Variants in HMBOX1 observed in about 807,000 individuals in gnomAD.
HMBOX1 encodes the protein homeobox containing 1.
HMBOX1 carries 14 observed loss-of-function variants against 54.5 expected under a neutral mutation model. The observed-to-expected ratio is 0.26, with a 90% CI of 0.17 to 0.40. HMBOX1 has a LOEUF of 0.40. Ranked by LOEUF, HMBOX1 falls within the 10% of genes least tolerant of loss-of-function variation. The pLI is 1.00. For synonymous variants in HMBOX1, 160 were observed against 181.0 expected (o/e 0.88, Z 0.93); for missense variants, 332 against 514.4 (o/e 0.65, Z 3.43).
intron 5 of HMBOX1, among the ~76,000 whole-genome samples, chr8:29,017,863 A>C (rs1222421221): frequency 6.6e-6 from 1 of 152,222 alleles, no homozygotes; most frequent in African/African-American, 2.4e-5. Flanking sequence ...GGAAGAAATA[A>C]ATATTAATAT....
chr8:28,963,910 T>G lies in HMBOX1; in HGVS notation c.23+20T>G. 1.9e-6 allele frequency: 3 copies of G among 1,581,578 alleles called. No individual in the cohort carries two copies. Among genetic ancestry groups the G allele is most frequent in the Non-Finnish European group, 2.6e-6 (3 of 1,154,404 alleles). On this transcript the variant is annotated intron_variant, in intron 2 of 9. Coordinates refer to ENST00000287701, the MANE Select transcript of HMBOX1 (RefSeq NM_001135726.3). Reference sequence around the variant, plus strand: ...AGTGGTGTAAGTATCAAGTCCTTTTTGATTTTTATCTTCACAATCATTTTA... The same window carrying G: ...AGTGGTGTAAGTATCAAGTCCTTTTGGATTTTTATCTTCACAATCATTTTA...
chr8:28,992,599 G>C (rs906298591), intron 4 of HMBOX1, among the ~76,000 whole-genome samples: 1 of 151,946 alleles, frequency 6.6e-6, no homozygotes. Context: ...GGCTGGGCGC[G>C]GTGGCTCATG....
chr8:28,971,352 A>G (rs986832916), intron 3 of HMBOX1, among the ~76,000 whole-genome samples: 1 of 152,108 alleles, frequency 6.6e-6, no homozygotes, highest in Non-Finnish European at 1.5e-5. Flanking sequence ...CGGCCTCCCA[A>G]AGTGCTGGGA....
intron 1 of HMBOX1, among the ~76,000 whole-genome samples, chr8:28,913,367 G>A (rs1184399870): frequency 2.0e-5 from 3 of 152,012 alleles, no homozygotes; most frequent in Non-Finnish European, 4.4e-5. Context: ...TCTCAGTTGG[G>A]CAAGCTTTTT....
At position 28,984,261 on chromosome 8, in the gene HMBOX1, TACA is replaced by T. The variant is rs1321402247; in HGVS notation, c.586+4110_586+4112del. 5.9e-5 allele frequency among the ~76,000 whole-genome samples: 9 copies of T among 152,218 alleles called. 1 individual carries two copies. Among genetic ancestry groups the T allele is most frequent in the Admixed American group, 4.6e-4 (7 of 15,284 alleles). On this transcript the variant is annotated intron_variant, in intron 4 of 9. Coordinates refer to ENST00000287701, the MANE Select transcript of HMBOX1 (RefSeq NM_001135726.3). ...TTTAGGATGTGGTTCTCCTGAATCTTACAACAAGTTCTCTTAAAAAGATTTAAG... is the reference window on the plus strand; with the variant it reads ...TTTAGGATGTGGTTCTCCTGAATCTTACAAGTTCTCTTAAAAAGATTTAAG...
chr8:28,941,211 C>G (rs1821352353), intron 1 of HMBOX1, among the ~76,000 whole-genome samples: 1 of 151,892 alleles, frequency 6.6e-6, no homozygotes, highest in Non-Finnish European at 1.5e-5. Flanking sequence ...ATATTTTGTG[C>G]TGTGGGGCAT....
At chr8:29,041,981 C>A (rs1035388770) in intron 6 of HMBOX1, among the ~76,000 whole-genome samples, 1 of 152,116 alleles carries the variant, frequency 6.6e-6, no homozygotes, top group Non-Finnish European at 1.5e-5. Flanking sequence ...ATGAGGTGCA[C>A]TGGCCAAAGA....
chr8:28,960,774 T>G (rs1228852222), intron 1 of HMBOX1, among the ~76,000 whole-genome samples: 13 of 53,406 alleles, frequency 2.4e-4, no homozygotes, highest in South Asian at 1.9e-3. Context: ...TCTTTTTTTT[T>G]TTTTTTTTTT....
At chr8:28,988,357 G>T (rs938551960) in intron 4 of HMBOX1, among the ~76,000 whole-genome samples, 9 of 152,106 alleles carry the variant, frequency 5.9e-5, no homozygotes, top group Non-Finnish European at 1.5e-5. Flanking sequence ...TTGTTTCCAG[G>T]GCCTGACTAT....
intron 6 of HMBOX1, among the ~76,000 whole-genome samples, chr8:29,042,378 G>A (rs1804963260): frequency 6.6e-6 from 1 of 152,130 alleles, no homozygotes; most frequent in East Asian, 1.9e-4. Flanking sequence ...GAGAAGCCAA[G>A]CAATTAACTC....
chr8:28,959,458 C>T lies in HMBOX1; in HGVS notation c.-57-4353C>T, dbSNP rs548323841. Among the ~76,000 whole-genome samples, 12 of 152,240 alleles carry T rather than the reference C, an allele frequency of 7.9e-5. No homozygotes were observed. The South Asian group carries it at 2.5e-3, about 32-fold the overall frequency. On this transcript the variant is annotated intron_variant, in intron 1 of 9. Transcript: ENST00000287701. ...TGAATTGTTTATTTCTGGAATTTTC[C>T]ACGTAATATTCTCGGACCATGGTTA...
In HMBOX1 at chr8:29,049,120, TGGGTGTGGCTGATG is replaced by T. The variant is rs746797297; in HGVS notation, c.1125+78_1125+91del. The T allele has an allele frequency of 2.0e-5, 30 of 1,481,894 alleles. 1 individual carries two copies. In the South Asian group the frequency reaches 3.4e-4, roughly 17 times the overall value. 91.8% of individuals were successfully genotyped at this position (1,481,894 alleles called of 1,614,324 possible). ...GGTATAGTGGGACAGCTTAGTTCCT[TGGGTGTGGCTGATG>T]GGGTGGGGGAGGGGAAACAGTCACT... On this transcript the variant is annotated intron_variant, in intron 9 of 9. Coordinates refer to ENST00000287701, the MANE Select transcript of HMBOX1 (RefSeq NM_001135726.3).
chr8:29,016,059 A>C (rs1214515070), intron 5 of HMBOX1, among the ~76,000 whole-genome samples: 1 of 152,264 alleles, frequency 6.6e-6, no homozygotes, highest in African/African-American at 2.4e-5. Context: ...AAGAAATCAC[A>C]TACATATTAA....
At chr8:28,941,151 G>T (rs1186887636) in intron 1 of HMBOX1, among the ~76,000 whole-genome samples, 1 of 152,006 alleles carries the variant, frequency 6.6e-6, no homozygotes, top group Non-Finnish European at 1.5e-5. Context: ...AAAGCTCTAT[G>T]GTTTCAGCAC....
intron 1 of HMBOX1, among the ~76,000 whole-genome samples, chr8:28,944,792 C>A (rs1194182462): frequency 2.0e-5 from 3 of 152,146 alleles, no homozygotes; most frequent in African/African-American, 2.4e-5. Flanking sequence ...TGCTTTGATT[C>A]TTTTTCTCAA....
At chr8:29,034,814 G>A (rs1018848631) in intron 6 of HMBOX1, among the ~76,000 whole-genome samples, 11 of 152,106 alleles carry the variant, frequency 7.2e-5, no homozygotes, top group Non-Finnish European at 1.2e-4. Context: ...CTGAGATTGC[G>A]CCATTGTACT....
chr8:28,925,278 A>G (rs946465969), intron 1 of HMBOX1, among the ~76,000 whole-genome samples: 6 of 152,182 alleles, frequency 3.9e-5, no homozygotes, highest in African/African-American at 1.4e-4. Context: ...GTGACTAAGA[A>G]CTTAGCTCCT....
chr8:28,901,533 A>G (rs994323486), intron 1 of HMBOX1, among the ~76,000 whole-genome samples: 26 of 152,094 alleles, frequency 1.7e-4, no homozygotes, highest in African/African-American at 4.3e-4. Context: ...TTTATTGTCT[A>G]TAGTTGCCAT....
At chr8:29,015,206 C>T (rs565296651) in intron 5 of HMBOX1, among the ~76,000 whole-genome samples, 23 of 152,284 alleles carry the variant, frequency 1.5e-4, no homozygotes, top group African/African-American at 5.5e-4. Flanking sequence ...TTATTTCCTT[C>T]AACCTCTTGG....
Sources: allele counts gnomAD v4.1 joint callset (sites outside exome capture counted in the v4.1 genomes callset), GRCh38; gene constraint gnomAD v4.1.1; transcripts MANE v1.5; gene names NCBI Gene and HGNC (gene_info 2026-07-23, HGNC 2026-07-21).